Variants in TSEN2 observed in about 807,000 individuals in gnomAD.
TSEN2 encodes tRNA-splicing endonuclease subunit Sen2.
TSEN2 carries 54 observed loss-of-function variants against 59.2 expected under a neutral mutation model. The ratio of observed to expected loss-of-function variants is 0.91; its 90% confidence interval spans 0.73 to 1.14. TSEN2 has a LOEUF of 1.14. Among genes scored for constraint, TSEN2 ranks in the 50% most tolerant of loss-of-function variants. TSEN2 has a pLI of 0.00. For synonymous variants in TSEN2, 195 were observed against 198.2 expected, an observed-to-expected ratio of 0.98 and a Z score of 0.14; for missense variants, 636 against 576.2, an observed-to-expected ratio of 1.10 and a Z score of -1.06.
At chr3:12,480,600 C>T (rs1465496185), upstream of TSEN2, among the ~76,000 whole-genome samples, 18 of 144,516 alleles carry the variant, frequency 1.2e-4, no homozygotes, top group South Asian at 2.2e-3. Context: ...GCGCAATCTC[C>T]GCTCACTGTA....
In TSEN2 at chr3:12,499,597, C is replaced by A. The variant is rs142509739; in HGVS notation, c.308+3043C>A. Among the ~76,000 whole-genome samples the A allele has an allele frequency of 7.1e-3, 1,083 of 152,258 alleles. 6 individuals carry two copies. The highest frequency in any genetic ancestry group is 0.025 in the African/African-American group (1,026 of 41,544). On this transcript the variant is annotated intron_variant, in intron 4 of 11. Transcript: ENST00000284995. ...GTAGGTACTAGAGATGTTTCTGTTT[C>A]GTAGATGGGGACTCAGGGGAGGCTT... is the stretch of plus-strand genomic sequence containing the variant.
At chr3:12,498,532 T>C (rs1318815279) in intron 4 of TSEN2, among the ~76,000 whole-genome samples, 2 of 152,228 alleles carry the variant, frequency 1.3e-5, no homozygotes, top group African/African-American at 4.8e-5. Flanking sequence ...ATAGACTTCA[T>C]GAATCCTGCA....
chr3:12,506,813 C>G, intron 6 of TSEN2: 1 of 985,324 alleles, frequency 1.0e-6, no homozygotes, highest in South Asian at 4.7e-5. Context: ...CCTGCAGTGT[C>G]CAGTGTGGTT....
intron 8 of TSEN2, among the ~76,000 whole-genome samples, chr3:12,523,356 A>G (rs2056799811): frequency 6.6e-6 from 1 of 151,914 alleles, no homozygotes; most frequent in African/African-American, 2.4e-5. Context: ...GGTGGGAGCC[A>G]TTGAAAGCTA....
chr3:12,480,528 G>GGTTTTTT (rs1553565213), upstream of TSEN2, among the ~76,000 whole-genome samples: 11 of 91,738 alleles, frequency 1.2e-4, no homozygotes, highest in South Asian at 1.0e-3. Context: ...TTGTTTCTTT[G>GGTTTTTT]TTTTTTTTTT....
At chr3:12,538,025 T>C (rs1023022661), downstream of TSEN2, among the ~76,000 whole-genome samples, 1 of 152,200 alleles carries the variant, frequency 6.6e-6, no homozygotes, top group South Asian at 2.1e-4. Context: ...ATACTAGTCA[T>C]AGTTCTGCTT....
chr3:12,486,553 A>G (rs187473724), intron 1 of TSEN2, among the ~76,000 whole-genome samples: 18 of 152,324 alleles, frequency 1.2e-4, no homozygotes, highest in Admixed American at 9.1e-4. Context: ...AAATAGCTTT[A>G]TTGAGATACC....
chr3:12,516,442 ATATATGTGTGTGTGTG>A (rs1411726922), intron 6 of TSEN2, among the ~76,000 whole-genome samples, 153 bp from the exon 7 acceptor site: 10 of 89,098 alleles, frequency 1.1e-4, no homozygotes, highest in African/African-American at 4.1e-4. Flanking sequence ...AACAAACAAA[ATATATGTGTGTGTGTG>A]TGTGTGTGTG....
At chr3:12,525,438 T>A (rs897240813) in intron 8 of TSEN2, among the ~76,000 whole-genome samples, 1 of 152,254 alleles carries the variant, frequency 6.6e-6, no homozygotes, top group Non-Finnish European at 1.5e-5. Flanking sequence ...CTGATTTAAT[T>A]ATTGCACTAA....
intron 4 of TSEN2, among the ~76,000 whole-genome samples, chr3:12,498,338 A>G (rs17036842): frequency 0.025 from 3,740 of 152,274 alleles, 65 homozygotes; most frequent in South Asian, 0.059. Flanking sequence ...GCGATAAACT[A>G]TTCACTAATA....
At chr3:12,522,719 T>C (rs2056748775) in intron 8 of TSEN2, among the ~76,000 whole-genome samples, 1 of 152,268 alleles carries the variant, frequency 6.6e-6, no homozygotes, top group Admixed American at 6.5e-5. Context: ...TCACACCTTA[T>C]CAGGGAAACT....
chr3:12,488,568 A>G (rs1169295026), intron 1 of TSEN2, among the ~76,000 whole-genome samples: 1 of 152,164 alleles, frequency 6.6e-6, no homozygotes, highest in Non-Finnish European at 1.5e-5. Context: ...TCCTTTAGAC[A>G]TTAGTGGATA....
At chr3:12,482,237 T>TGGTAGCTGGCTTCCTC (rs1553565589), upstream of TSEN2, among the ~76,000 whole-genome samples, 22 of 152,296 alleles carry the variant, frequency 1.4e-4, no homozygotes, top group East Asian at 3.9e-3. Context: ...TTCTCTTGCC[T>TGGTAGCTGGCTTCCTC]CAGCCTCCAG....
At chr3:12,496,755 T>G (rs555103859) in intron 4 of TSEN2, among the ~76,000 whole-genome samples, 118 of 152,346 alleles carry the variant, frequency 7.7e-4, no homozygotes, top group African/African-American at 2.5e-3. Context: ...TATGGTTTGT[T>G]TAAATACTGT....
Position 12,496,539 on chromosome 3 carries a change from T to C in TSEN2, c.293T>C (p.Ile98Thr). ...CCAGATATGAAGACAAACATGCCTA[T>C]CATCACATCAAAGAGGTAAGTCATA... ...KWKDMKTNMP[I>T]ITSKRYQHSV... is the part of the protein sequence containing the mutation. The change falls in exon 4 of 12, where the codon ATC (isoleucine) becomes ACC (threonine). Residue 98 changes from isoleucine (I) to threonine (T), a missense_variant. Ile to Thr is a moderately conservative substitution (Grantham distance 89, BLOSUM62 -1). Transcript: ENST00000284995. 3 of 1,614,158 alleles carry C rather than the reference T, an allele frequency of 1.9e-6. No individual in the cohort carries two copies. Among genetic ancestry groups the C allele is most frequent in the Non-Finnish European group, 2.5e-6 (3 of 1,180,028 alleles).
At chr3:12,480,705 A>C (rs538565590), upstream of TSEN2, among the ~76,000 whole-genome samples, 1 of 149,368 alleles carries the variant, frequency 6.7e-6, no homozygotes, top group Admixed American at 6.7e-5. Flanking sequence ...ATTTTTATAT[A>C]TTTTTTTTAG....
chr3:12,498,634 A>G (rs990561436), intron 4 of TSEN2, among the ~76,000 whole-genome samples: 2 of 152,238 alleles, frequency 1.3e-5, no homozygotes, highest in Non-Finnish European at 2.9e-5. Context: ...TAAACGACAC[A>G]TAGTGACAGT....
rs370671222 is a variant in TSEN2 at position 12,503,391 on chromosome 3, G to A, written c.438G>A (p.Glu146=). The change falls in exon 5 of 12, where the codon GAG becomes GAA. Residue 146 remains glutamate, a synonymous_variant. Transcript: ENST00000284995. The part of the protein sequence containing the change: ...LEHPPVKRNE[E]AQVHDKLNSG... Reference sequence around the variant, plus strand: ...ATCCTCCTGTGAAAAGGAATGAAGAGGCTCAAGTGCATGACAAGCTTAACT... The same window carrying A: ...ATCCTCCTGTGAAAAGGAATGAAGAAGCTCAAGTGCATGACAAGCTTAACT... 4 of 1,614,182 alleles carry A rather than the reference G, an allele frequency of 2.5e-6. No homozygotes were observed. The highest frequency in any genetic ancestry group is 2.2e-5 in the South Asian group (2 of 91,084).
At chr3:12,532,612 G>T (rs764642226) in intron 11 of TSEN2, 50 bp from the exon 12 acceptor site, 9 of 1,581,780 alleles carry the variant, frequency 5.7e-6, no homozygotes, top group Non-Finnish European at 7.8e-6. Flanking sequence ...GTGTCAGAAT[G>T]GTCTTACATT....
Sources: gnomAD v4.1 joint callset for allele counts (sites outside exome capture counted in the v4.1 genomes callset) on GRCh38, gnomAD v4.1.1 for gene constraint, MANE v1.5 for transcripts, NCBI Gene and HGNC (gene_info 2026-07-23, HGNC 2026-07-21) for gene names.